OSBPL10: variants seen among roughly 807,000 people sequenced by gnomAD.
The protein encoded by OSBPL10 is oxysterol-binding protein-related protein 10.
OSBPL10 carries 49 observed loss-of-function variants against 81.7 expected under a neutral mutation model. The observed-to-expected ratio is 0.60, with a 90% CI of 0.48 to 0.76. The LOEUF is 0.76. Among genes scored for constraint, OSBPL10 ranks in the 30% least tolerant of loss-of-function variants. The probability of loss-of-function intolerance (pLI) is 0.00; values close to 1 mark genes in which losing one functional copy is unlikely to be tolerated. For missense variants in OSBPL10, 923 were observed against 987.8 expected, an observed-to-expected ratio of 0.93 and a Z score of 0.88; for synonymous variants, 419 against 383.6, an observed-to-expected ratio of 1.09 and a Z score of -1.08.
chr3:31,684,822 G>A (rs1902334), intron 7 of OSBPL10, among the ~76,000 whole-genome samples: 123,516 of 152,202 alleles, frequency 0.81, 50,427 homozygotes, highest in East Asian at 0.97. Flanking sequence ...AGAAACCAGT[G>A]GAAGTTACAA....
At chr3:31,939,469 C>A (rs1428722540) in intron 1 of OSBPL10, among the ~76,000 whole-genome samples, 4 of 150,222 alleles carry the variant, frequency 2.7e-5, no homozygotes, top group South Asian at 2.1e-4. Context: ...AAAAAAAAAA[C>A]AAAAAAATTC....
intron 2 of OSBPL10, among the ~76,000 whole-genome samples, chr3:32,015,852 G>A (rs865882110): frequency 3.9e-5 from 6 of 152,084 alleles, no homozygotes; most frequent in East Asian, 1.9e-4. Context: ...AAAAATACTC[G>A]TCATCACTGG....
chr3:31,772,926 G>A (rs1022816278), intron 4 of OSBPL10, among the ~76,000 whole-genome samples: 1 of 151,236 alleles, frequency 6.6e-6, no homozygotes, highest in South Asian at 2.1e-4. Context: ...ATGTCATATC[G>A]CCTTTCAAAA....
chr3:32,071,331 C>T (rs1246613985), intron 1 of OSBPL10, among the ~76,000 whole-genome samples: 2 of 152,158 alleles, frequency 1.3e-5, no homozygotes, highest in Admixed American at 6.5e-5. Flanking sequence ...CCTAACAAAA[C>T]CATTACATAA....
At chr3:31,687,130 C>T (rs1700813002) in intron 7 of OSBPL10, among the ~76,000 whole-genome samples, 1 of 152,202 alleles carries the variant, frequency 6.6e-6, no homozygotes, top group African/African-American at 2.4e-5. Context: ...TGCTCTCTCC[C>T]TTCCCAGGTC....
chr3:32,024,440 CTAAG>C (rs773898583), intron 2 of OSBPL10, among the ~76,000 whole-genome samples: 1 of 149,498 alleles, frequency 6.7e-6, no homozygotes, highest in Non-Finnish European at 1.5e-5. Flanking sequence ...TCATTTTTTC[CTAAG>C]TATTTTGTTC....
intron 5 of OSBPL10, among the ~76,000 whole-genome samples, chr3:31,745,720 T>G (rs1697498271): frequency 6.6e-6 from 1 of 152,166 alleles, no homozygotes; most frequent in African/African-American, 2.4e-5. Context: ...TCCCAGCATA[T>G]CATCTGAACG....
intron 2 of OSBPL10, among the ~76,000 whole-genome samples, chr3:32,041,280 A>G (rs1269716948): frequency 6.6e-6 from 1 of 152,240 alleles, no homozygotes; most frequent in Non-Finnish European, 1.5e-5. Context: ...AGATTAACTC[A>G]TAGAAAAACA....
intron 2 of OSBPL10, among the ~76,000 whole-genome samples, chr3:32,022,847 G>C (rs910513612): frequency 2.0e-5 from 3 of 152,132 alleles, no homozygotes; most frequent in Admixed American, 2.0e-4. Context: ...CAGCAGAAAA[G>C]AACGTTAATT....
intron 4 of OSBPL10, among the ~76,000 whole-genome samples, chr3:31,757,444 G>A (rs896646652): frequency 5.9e-5 from 9 of 152,132 alleles, no homozygotes; most frequent in South Asian, 2.1e-4. Context: ...TCTACAAGCC[G>A]ACACATCCTT....
intron 1 of OSBPL10, among the ~76,000 whole-genome samples, chr3:31,979,436 T>C (rs1164946737): frequency 6.6e-6 from 1 of 152,204 alleles, no homozygotes; most frequent in Non-Finnish European, 1.5e-5. Flanking sequence ...TGCAGATAAC[T>C]GGCTGATATG....
At chr3:31,964,484 T>A (rs1698256908) in intron 1 of OSBPL10, among the ~76,000 whole-genome samples, 1 of 152,236 alleles carries the variant, frequency 6.6e-6, no homozygotes, top group African/African-American at 2.4e-5. Flanking sequence ...GGGTAAGCAG[T>A]GGTCTCAGAA....
intron 1 of OSBPL10, among the ~76,000 whole-genome samples, chr3:31,886,767 T>C (rs555615686): frequency 1.1e-3 from 161 of 151,944 alleles, no homozygotes; most frequent in African/African-American, 3.2e-3. Context: ...TGGTGAAACC[T>C]CGTCTCTACT....
At position 31,683,649 on chromosome 3, in the gene OSBPL10, A is replaced by G; in HGVS notation, c.1711T>C (p.Ser571Pro). The G allele has an allele frequency of 6.2e-7, 1 of 1,611,174 alleles. No homozygotes were observed. The highest frequency in any genetic ancestry group is 8.5e-7 in the Non-Finnish European group (1 of 1,177,618). The change falls in exon 8 of 12, where the codon TCT becomes CCT. Residue 571 changes from serine to proline, a missense_variant. Ser to Pro is a moderately conservative substitution (Grantham distance 74, BLOSUM62 -1). This residue lies in a region of OSBPL10 where 387 missense variants were observed against 436.3 expected (regional missense o/e 0.89). Coordinates refer to ENST00000396556, the MANE Select transcript of OSBPL10 (RefSeq NM_017784.5). ...SKFMGMSVGV[S>P]MIGEGVLRLL... is the part of the protein sequence containing the mutation. ...CATGGCTTACCTTCCCCTATCATAG[A>G]GACCCCCACGGACATGCCCATGAAC...
Position 31,670,948 on chromosome 3 carries a change from C to T in OSBPL10, c.1762G>A (p.Val588Ile), listed in dbSNP as rs536574494. The T allele has an allele frequency of 6.2e-6, 10 of 1,613,558 alleles. No individual in the cohort carries two copies. Among genetic ancestry groups the T allele is most frequent in the Admixed American group, 1.7e-5 (1 of 59,974 alleles). The change falls in exon 9 of 12, where the codon GTA (valine) becomes ATA (isoleucine). Residue 588 changes from valine (V) to isoleucine (I), a missense_variant. By Grantham distance (29) the Val-to-Ile change is conservative. Transcript: ENST00000396556. Reference protein sequence around the residue: ...LRLLEHGEEYVFTLPSAYARS... With the variant: ...LRLLEHGEEYIFTLPSAYARS... The stretch of plus-strand genomic sequence containing the variant: ...GCGTAGGCACTAGGCAGGGTGAATA[C>T]GTACTCCTCCCCGTGTTCCAGGAGC...
chr3:31,742,878 CG>C (rs1251556171), intron 5 of OSBPL10, among the ~76,000 whole-genome samples: 1 of 152,024 alleles, frequency 6.6e-6, no homozygotes, highest in Admixed American at 6.5e-5. Context: ...CCCCATAGCA[CG>C]GGGAAGGCAC....
chr3:31,798,726 C>G (rs1289832812), intron 4 of OSBPL10, among the ~76,000 whole-genome samples: 1 of 152,122 alleles, frequency 6.6e-6, no homozygotes. Flanking sequence ...ACTAAGTAAA[C>G]TGTTAAAGAA....
intron 7 of OSBPL10, among the ~76,000 whole-genome samples, chr3:31,695,795 T>TA (rs1695701385): frequency 6.6e-6 from 1 of 152,178 alleles, no homozygotes. Context: ...AAACCTCTAA[T>TA]AACCCTTTGC....
intron 8 of OSBPL10, among the ~76,000 whole-genome samples, chr3:31,682,995 G>C (rs1256082046): frequency 1.3e-5 from 2 of 152,188 alleles, no homozygotes; most frequent in East Asian, 3.8e-4. Context: ...TTAGAGCCTT[G>C]AAGAGATTTG....
Sources: allele counts gnomAD v4.1 joint callset (sites outside exome capture counted in the v4.1 genomes callset), GRCh38; gene constraint gnomAD v4.1.1; regional missense constraint gnomAD v4.1.1; transcripts MANE v1.5; gene names NCBI Gene and HGNC (gene_info 2026-07-23, HGNC 2026-07-21).